Variants in CDK19 observed in about 807,000 individuals in gnomAD.
CDK19 encodes cyclin dependent kinase 19.
A neutral mutation model predicts 68.3 loss-of-function variants in CDK19; 20 were observed. The ratio of observed to expected loss-of-function variants is 0.29; its 90% CI spans 0.21 to 0.43. The LOEUF is 0.43. Ranked by LOEUF, CDK19 falls within the 20% of genes least tolerant of loss-of-function variation. The pLI is 1.00. For synonymous variants in CDK19, 221 were observed against 222.8 expected, an observed-to-expected ratio of 0.99 and a Z score of 0.07; for missense variants, 339 against 623.5, an observed-to-expected ratio of 0.54 and a Z score of 4.86.
chr6:110,738,859 AAAAG>A (rs1777447421), intron 2 of CDK19, among the ~76,000 whole-genome samples: 1 of 152,172 alleles, frequency 6.6e-6, no homozygotes, highest in Non-Finnish European at 1.5e-5. Flanking sequence ...GCAAGAGAGG[AAAAG>A]AAAGAAAGAA....
chr6:110,665,414 A>G (rs565237805), intron 4 of CDK19, among the ~76,000 whole-genome samples: 16 of 152,318 alleles, frequency 1.1e-4, no homozygotes, highest in Non-Finnish European at 2.1e-4. Context: ...ACCAAAAGAG[A>G]GGACACTAAA....
At chr6:110,702,750 A>G (rs1003384399) in intron 2 of CDK19, among the ~76,000 whole-genome samples, 2 of 152,160 alleles carry the variant, frequency 1.3e-5, no homozygotes, top group Non-Finnish European at 2.9e-5. Context: ...AAGAATATAT[A>G]TATCTATCTC....
At chr6:110,763,572 C>T (rs1171369184) in intron 1 of CDK19, among the ~76,000 whole-genome samples, 1 of 152,050 alleles carries the variant, frequency 6.6e-6, no homozygotes, top group Non-Finnish European at 1.5e-5. Flanking sequence ...TAAGCCACCA[C>T]ACCCTGCTAA....
chr6:110,650,983 G>C (rs1041107884), intron 4 of CDK19, among the ~76,000 whole-genome samples: 1 of 152,140 alleles, frequency 6.6e-6, no homozygotes, highest in Non-Finnish European at 1.5e-5. Context: ...ATGGTGTTTA[G>C]AGTGGTTAGG....
chr6:110,631,986 G>A, intron 6 of CDK19, 44 bp downstream of exon 6: 1 of 1,534,596 alleles, frequency 6.5e-7, no homozygotes, highest in Non-Finnish European at 8.9e-7. Context: ...TTATATTTAT[G>A]ATCGTTAGAT....
chr6:110,728,038 C>A (rs1381459243), intron 2 of CDK19, among the ~76,000 whole-genome samples: 2 of 150,784 alleles, frequency 1.3e-5, no homozygotes, highest in Non-Finnish European at 2.9e-5. Context: ...CACCTGTAAT[C>A]CCAGCACTTT....
chr6:110,770,575 A>G (rs1779945938), intron 1 of CDK19, among the ~76,000 whole-genome samples: 1 of 152,144 alleles, frequency 6.6e-6, no homozygotes, highest in African/African-American at 2.4e-5. Flanking sequence ...TTGGGTGGGG[A>G]CACAGAGCCA....
In CDK19 at chr6:110,611,566, A is replaced by C. The variant is rs1432817381; in HGVS notation, c.*2969T>G. 1 of 152,292 alleles carries C rather than the reference A, an allele frequency of 6.6e-6. No homozygotes were observed. The highest frequency in any genetic ancestry group is 2.1e-4 in the South Asian group (1 of 4,830). 9.4% of individuals were successfully genotyped at this position (152,292 alleles called of 1,614,324 possible). On this transcript the variant is annotated 3_prime_UTR_variant, in exon 13 of 13. Coordinates refer to ENST00000368911, the MANE Select transcript of CDK19 (RefSeq NM_015076.5). ...TTCGGGAGGCCGAGACAGGCGGATG[A>C]CCTGAGGTGAGGAATTCAAGACCAG...
chr6:110,738,219 A>G (rs954133626), intron 2 of CDK19, among the ~76,000 whole-genome samples: 2 of 152,074 alleles, frequency 1.3e-5, no homozygotes, highest in Admixed American at 6.6e-5. Context: ...AGTGTAAAAC[A>G]TAAAAACAAG....
At chr6:110,793,805 G>A (rs1781752893) in intron 1 of CDK19, among the ~76,000 whole-genome samples, 1 of 152,130 alleles carries the variant, frequency 6.6e-6, no homozygotes, top group Non-Finnish European at 1.5e-5. Flanking sequence ...AATACCTGGA[G>A]GCATAACAAT....
rs60624969 is a variant in CDK19 at position 110,648,538 on chromosome 6, C to CTTTTTTTT, written c.457-9840_457-9833dup. Among the ~76,000 whole-genome samples, 46 of 120,220 alleles carry CTTTTTTTT rather than the reference C, an allele frequency of 3.8e-4. No individual in the cohort carries two copies. In the East Asian group the frequency reaches 8.2e-3, roughly 21 times the overall value. 78.9% of individuals were successfully genotyped at this position (120,220 alleles called of 152,430 possible). ...AACACCATGAAATCTTTTTTCTTTT[C>CTTTTTTTT]TTTTTTTTTTTTTTTTTTTTGAGAA... is the stretch of plus-strand genomic sequence containing the variant. On this transcript the variant is annotated intron_variant, in intron 4 of 12. Transcript: ENST00000368911.
chr6:110,680,375 G>A (rs1771901456), intron 2 of CDK19, among the ~76,000 whole-genome samples: 1 of 152,122 alleles, frequency 6.6e-6, no homozygotes, highest in Non-Finnish European at 1.5e-5. Flanking sequence ...AGGAACAGGG[G>A]ACACAGGGGA....
At chr6:110,812,332 C>T (rs915343130) in intron 1 of CDK19, among the ~76,000 whole-genome samples, 13 of 152,014 alleles carry the variant, frequency 8.6e-5, no homozygotes, top group Non-Finnish European at 1.5e-4. Context: ...CCATGTTCAC[C>T]AGGATGGTCT....
At chr6:110,760,340 A>G (rs1287726454) in intron 1 of CDK19, among the ~76,000 whole-genome samples, 1 of 144,106 alleles carries the variant, frequency 6.9e-6, no homozygotes, top group Non-Finnish European at 1.5e-5. Flanking sequence ...GAGTTTGCAG[A>G]GAGCCAAGAT....
At chr6:110,622,243 A>G in intron 10 of CDK19, 77 bp from the exon 11 acceptor site, 1 of 1,059,026 alleles carries the variant, frequency 9.4e-7, no homozygotes, top group Non-Finnish European at 1.4e-6. Context: ...TTAAAATTCC[A>G]ATTTGTTTTT....
intron 2 of CDK19, among the ~76,000 whole-genome samples, chr6:110,741,826 C>A (rs1285370359): frequency 6.6e-6 from 1 of 152,072 alleles, no homozygotes; most frequent in Non-Finnish European, 1.5e-5. Context: ...CTGCAAAACT[C>A]AAGAAGAGCT....
chr6:110,718,364 G>A (rs1431993505), intron 2 of CDK19, among the ~76,000 whole-genome samples: 3 of 152,120 alleles, frequency 2.0e-5, no homozygotes, highest in African/African-American at 7.2e-5. Context: ...TTAGCCTCCT[G>A]CAGAGTCCAG....
chr6:110,788,144 TTTTG>T (rs1042550668), intron 1 of CDK19, among the ~76,000 whole-genome samples: 5 of 150,902 alleles, frequency 3.3e-5, no homozygotes, highest in Admixed American at 1.3e-4. Context: ...CTGGCCTGTT[TTTTG>T]TTTTTTTGTT....
intron 1 of CDK19, 68 bp downstream of exon 1, chr6:110,814,941 C>A: frequency 6.3e-7 from 1 of 1,591,012 alleles, no homozygotes; most frequent in South Asian, 1.1e-5. Flanking sequence ...ATCCGACCCA[C>A]CCATCCCGCC....
Sources: allele counts gnomAD v4.1 joint callset (sites outside exome capture counted in the v4.1 genomes callset), GRCh38; gene constraint gnomAD v4.1.1; transcripts MANE v1.5; gene names NCBI Gene and HGNC (gene_info 2026-07-23, HGNC 2026-07-21).